The following SNX29 variants were observed in gnomAD, a reference collection of about 807,000 sequenced individuals.
SNX29 encodes sorting nexin 29.
Under a neutral mutation model 102.1 loss-of-function variants are expected in SNX29, and 78 were observed. The ratio of observed to expected loss-of-function variants is 0.76; its 90% CI spans 0.64 to 0.92. The LOEUF is 0.92. Among genes scored for constraint, SNX29 ranks in the 40% least tolerant of loss-of-function variants. The pLI, the probability that SNX29 is intolerant of heterozygous loss-of-function variation, is 0.00. For missense variants in SNX29, 1,280 were observed against 1,061.7 expected, an observed-to-expected ratio of 1.21 and a Z score of -2.86; for synonymous variants, 580 against 414.5, an observed-to-expected ratio of 1.40 and a Z score of -4.85.
At chr16:12,048,946 A>G (rs1223943306) in intron 7 of SNX29, among the ~76,000 whole-genome samples, 1 of 152,194 alleles carries the variant, frequency 6.6e-6, no homozygotes, top group African/African-American at 2.4e-5. Flanking sequence ...TCTGTGTGTT[A>G]GGCGGTGAGC....
intron 19 of SNX29, among the ~76,000 whole-genome samples, chr16:12,495,147 T>A (rs2088754969): frequency 6.6e-6 from 1 of 152,170 alleles, no homozygotes; most frequent in African/African-American, 2.4e-5. Context: ...TCAATGGCAA[T>A]TCTTTCGTTT....
intron 9 of SNX29, among the ~76,000 whole-genome samples, chr16:12,064,208 C>G (rs912795746): frequency 6.6e-6 from 1 of 152,070 alleles, no homozygotes. Context: ...CATCAGACAT[C>G]CGGGTCAGCT....
chr16:12,013,757 G>A (rs1195645792), intron 3 of SNX29, among the ~76,000 whole-genome samples: 2 of 151,074 alleles, frequency 1.3e-5, no homozygotes, highest in Non-Finnish European at 2.9e-5. Flanking sequence ...TGATTCTCCT[G>A]TCTCAGCCTC....
intron 20 of SNX29, among the ~76,000 whole-genome samples, chr16:12,560,363 C>CA (rs1211982781): frequency 2.6e-5 from 4 of 152,244 alleles, no homozygotes; most frequent in African/African-American, 9.6e-5. Flanking sequence ...CATCTGGTGA[C>CA]AGGTTGTGCG....
intron 13 of SNX29, among the ~76,000 whole-genome samples, chr16:12,130,906 C>T (rs549943025): frequency 2.2e-4 from 34 of 152,128 alleles, no homozygotes; most frequent in Admixed American, 3.9e-4. Flanking sequence ...CTGCTGACAG[C>T]GAGGCACCGA....
At position 12,371,276 on chromosome 16, in the gene SNX29, CCCTT is replaced by C. The variant is rs535986876; in HGVS notation, c.1899+15004_1899+15007del. Among the ~76,000 whole-genome samples the C allele has an allele frequency of 7.3e-4, 111 of 152,150 alleles. 3 individuals carry two copies. In the South Asian group the frequency reaches 0.023, roughly 31 times the overall value. The stretch of plus-strand genomic sequence containing the variant: ...TTTCTCTCTTCCCTCCTCCCTCCCT[CCCTT>C]CCTTCCCTCTTTCCTTCCTTTCCTC... On this transcript the variant is annotated intron_variant, in intron 16 of 20. Coordinates refer to ENST00000566228, the MANE Select transcript of SNX29 (RefSeq NM_032167.5).
chr16:12,135,056 A>G (rs1265563562), intron 13 of SNX29, among the ~76,000 whole-genome samples: 3 of 152,186 alleles, frequency 2.0e-5, no homozygotes, highest in Non-Finnish European at 4.4e-5. Context: ...GGGCAGGGGA[A>G]GAGCCATGTC....
At chr16:12,475,258 C>T (rs1355313671) in intron 18 of SNX29, among the ~76,000 whole-genome samples, 1 of 152,178 alleles carries the variant, frequency 6.6e-6, no homozygotes, top group East Asian at 1.9e-4. Context: ...TTCGGGATTC[C>T]TGGGCCTCAG....
chr16:12,121,101 T>C (rs1210754025), intron 11 of SNX29, among the ~76,000 whole-genome samples: 1 of 152,220 alleles, frequency 6.6e-6, no homozygotes, highest in Non-Finnish European at 1.5e-5. Flanking sequence ...CCTTTGATCA[T>C]TCACCAGGTC....
chr16:12,539,078 TTAA>T (rs1225652300), intron 20 of SNX29, among the ~76,000 whole-genome samples: 1 of 152,182 alleles, frequency 6.6e-6, no homozygotes, highest in African/African-American at 2.4e-5. Flanking sequence ...AGGGCCAAGT[TTAA>T]TAGATTGCCC....
chr16:12,416,411 A>G (rs1441480378), intron 18 of SNX29, among the ~76,000 whole-genome samples: 1 of 152,202 alleles, frequency 6.6e-6, no homozygotes, highest in Non-Finnish European at 1.5e-5. Flanking sequence ...TAGCTGGAAG[A>G]GAGGGTTCTG....
chr16:12,121,563 G>A (rs1325150569), intron 11 of SNX29, among the ~76,000 whole-genome samples: 2 of 152,220 alleles, frequency 1.3e-5, no homozygotes, highest in Non-Finnish European at 2.9e-5. Context: ...GGGCTCTGTA[G>A]TAGCGCTTGA....
At chr16:12,316,107 C>G (rs2080725170) in intron 15 of SNX29, among the ~76,000 whole-genome samples, 1 of 152,262 alleles carries the variant, frequency 6.6e-6, no homozygotes, top group East Asian at 1.9e-4. Context: ...GTACAAAGAT[C>G]TAGGAGGGGA....
intron 1 of SNX29, among the ~76,000 whole-genome samples, chr16:11,993,821 C>A (rs987298079): frequency 1.3e-5 from 2 of 152,106 alleles, no homozygotes; most frequent in African/African-American, 4.8e-5. Flanking sequence ...CCTGAGAGTT[C>A]TAAACATTGA....
intron 14 of SNX29, among the ~76,000 whole-genome samples, chr16:12,248,383 C>T (rs2078322128): frequency 1.3e-5 from 2 of 151,196 alleles, no homozygotes; most frequent in East Asian, 1.9e-4. Context: ...TCTCCCCATC[C>T]AGATCTCTGC....
chr16:12,144,538 C>A (rs1225266588), intron 13 of SNX29, among the ~76,000 whole-genome samples: 1 of 152,218 alleles, frequency 6.6e-6, no homozygotes, highest in African/African-American at 2.4e-5. Context: ...AGCTGGGCTC[C>A]TTTTTCCGTT....
chr16:11,981,042 A>C (rs377552014), intron 1 of SNX29, among the ~76,000 whole-genome samples: 2 of 150,404 alleles, frequency 1.3e-5, no homozygotes, highest in South Asian at 4.2e-4. Context: ...ATCTCGTCTC[A>C]CTGCAACCTC....
rs562467475 is a variant in SNX29 at position 12,569,572 on chromosome 16, A to G, written c.*943A>G. On this transcript the variant is annotated 3_prime_UTR_variant, in exon 21 of 21. Transcript: ENST00000566228. ...TTAACAGATCATGTGTCTCTCCACT[A>G]AAAACATTTTCCATCCCGTCTGCCC... 4.8e-5 allele frequency: 11 copies of G among 230,546 alleles called. No individual in the cohort carries two copies. The South Asian group carries it at 5.4e-4, about 11-fold the overall frequency. The allele number at this position is 230,546 out of a possible 1,614,324, so 14.3% of individuals were successfully genotyped here.
intron 15 of SNX29, among the ~76,000 whole-genome samples, chr16:12,279,481 G>A (rs530944091): frequency 6.6e-6 from 1 of 152,236 alleles, no homozygotes; most frequent in Admixed American, 6.5e-5. Flanking sequence ...TGGGGACAGG[G>A]CACTCCTGTG....
Sources: allele counts gnomAD v4.1 joint callset (sites outside exome capture counted in the v4.1 genomes callset), GRCh38; gene constraint gnomAD v4.1.1; transcripts MANE v1.5; gene names NCBI Gene and HGNC (gene_info 2026-07-23, HGNC 2026-07-21).